Variants in NLGN4Y observed in about 807,000 individuals in gnomAD.
The protein encoded by NLGN4Y is neuroligin 4 Y-linked.
In NLGN4Y, 4 loss-of-function variants were observed where a neutral mutation model predicts 8.4. That is an observed-to-expected ratio of 0.48 (90% confidence interval 0.23 to 1.09). The LOEUF (loss-of-function observed/expected upper bound fraction) is 1.09. NLGN4Y is among the 50% of genes least tolerant of loss of function. The pLI is 0.19. For synonymous variants in NLGN4Y, 35 were observed against 75.6 expected (o/e 0.46, Z 2.78); for missense variants, 90 against 192.3 (o/e 0.47, Z 3.15).
At chrY:14,538,564 C>T in intron 1 of NLGN4Y, among the ~76,000 whole-genome samples, 1 of 33,770 alleles carries the variant, frequency 3.0e-5, no homozygotes, top group South Asian at 6.6e-4. Flanking sequence ...TTAGCTGTTT[C>T]TAACCTCCCT....
intron 1 of NLGN4Y, among the ~76,000 whole-genome samples, chrY:14,535,243 G>T (rs2080127755): frequency 3.0e-5 from 1 of 33,407 alleles, no homozygotes; most frequent in Non-Finnish European, 7.4e-5. Context: ...CCATTACAGA[G>T]AATGATGTGG....
At chrY:14,836,548 G>A in intron 6 of NLGN4Y, among the ~76,000 whole-genome samples, 1 of 28,720 alleles carries the variant, frequency 3.5e-5, no homozygotes, top group South Asian at 8.6e-4. Context: ...GTGGTGGTGC[G>A]ATCTCATGTG....
intron 2 of NLGN4Y, among the ~76,000 whole-genome samples, chrY:14,667,002 A>C: frequency 1.2e-4 from 4 of 32,506 alleles, no homozygotes; most frequent in Non-Finnish European, 2.3e-4. Context: ...GAACGTTTTC[A>C]ATAGTCTATC....
At chrY:14,756,874 T>C (rs2081061551) in intron 4 of NLGN4Y, among the ~76,000 whole-genome samples, 7 of 7,688 alleles carry the variant, frequency 9.1e-4, no homozygotes, top group Non-Finnish European at 1.4e-3. Flanking sequence ...TACATATATA[T>C]ATATATATAT....
chrY:14,633,803 A>C (rs775664810), intron 2 of NLGN4Y, among the ~76,000 whole-genome samples: 1 of 33,690 alleles, frequency 3.0e-5, no homozygotes, highest in South Asian at 6.7e-4. Flanking sequence ...CTTTAATGTC[A>C]TGTTAATTGA....
At chrY:14,707,091 GTATATATATA>G in intron 2 of NLGN4Y, among the ~76,000 whole-genome samples, 2 of 3,889 alleles carry the variant, frequency 5.1e-4, no homozygotes, top group Admixed American at 2.2e-3. Context: ...AATTTTATGT[GTATATATATA>G]TATATATATA....
At chrY:14,719,580 C>G in intron 3 of NLGN4Y, 62 bp downstream of exon 3, 1 of 147,281 alleles carries the variant, frequency 6.8e-6, no homozygotes, top group Non-Finnish European at 1.1e-5. Context: ...CTATCTCTCT[C>G]TTTTTTTTAT....
intron 1 of NLGN4Y, among the ~76,000 whole-genome samples, chrY:14,568,388 G>A (rs1603499932): frequency 3.0e-5 from 1 of 33,459 alleles, no homozygotes; most frequent in Admixed American, 2.8e-4. Context: ...AAATGATAAT[G>A]TTAACTGAGG....
chrY:14,781,055 G>A, intron 4 of NLGN4Y, among the ~76,000 whole-genome samples: 3 of 33,273 alleles, frequency 9.0e-5, no homozygotes, highest in African/African-American at 3.5e-4. Flanking sequence ...ATGGGTCAAA[G>A]GGCCAGTTTG....
At chrY:14,596,668 TAGAG>T in intron 1 of NLGN4Y, among the ~76,000 whole-genome samples, 1 of 33,249 alleles carries the variant, frequency 3.0e-5, no homozygotes, top group Non-Finnish European at 7.4e-5. Context: ...TGGGGGTTGT[TAGAG>T]AGCCCTTTCC....
chrY:14,830,509 G>A lies in NLGN4Y; in HGVS notation c.1651G>A (p.Ala551Thr). 1 of 398,388 alleles carries A rather than the reference G, an allele frequency of 2.5e-6. No individual in the cohort carries two copies. The highest frequency in any genetic ancestry group is 3.5e-6 in the Non-Finnish European group (1 of 283,206). The stretch of plus-strand genomic sequence containing the variant: ...GGTGATGACCTACTGGACGAACTTC[G>A]CCAAAACTGGGTACGTTCTTCTTCA... ...AVVMTYWTNF[A>T]KTGDPNQPVP... Residue 551 changes from alanine (A) to threonine (T), a missense_variant, in exon 6 of 7, where the codon GCC (alanine) becomes ACC (threonine). Physicochemically the swap from Ala to Thr is moderately conservative, Grantham distance 58. Transcript: ENST00000684976.
At chrY:14,549,077 A>G in intron 1 of NLGN4Y, among the ~76,000 whole-genome samples, 1 of 32,460 alleles carries the variant, frequency 3.1e-5, no homozygotes, top group Admixed American at 2.9e-4. Context: ...TGTTCTGCCC[A>G]AAACTCAATT....
intron 2 of NLGN4Y, among the ~76,000 whole-genome samples, chrY:14,659,231 C>T: frequency 3.0e-5 from 1 of 33,029 alleles, no homozygotes; most frequent in Non-Finnish European, 7.4e-5. Context: ...TTCAGTGACA[C>T]ACCTGTCACT....
intron 2 of NLGN4Y, among the ~76,000 whole-genome samples, chrY:14,651,344 T>C: frequency 3.0e-5 from 1 of 33,601 alleles, no homozygotes; most frequent in Admixed American, 2.7e-4. Context: ...AAGCTTATGT[T>C]ATCTCACTTG....
chrY:14,724,767 G>A, intron 4 of NLGN4Y, among the ~76,000 whole-genome samples: 1 of 32,484 alleles, frequency 3.1e-5, no homozygotes, highest in East Asian at 8.1e-4. Context: ...AGCCTTCTAA[G>A]TAGCTGGGAT....
chrY:14,735,579 G>A, intron 4 of NLGN4Y, among the ~76,000 whole-genome samples: 1 of 33,367 alleles, frequency 3.0e-5, no homozygotes, highest in African/African-American at 1.2e-4. Flanking sequence ...GTGTGAGAAC[G>A]GACTAAATAC....
chrY:14,818,956 A>T, intron 4 of NLGN4Y, among the ~76,000 whole-genome samples: 1 of 33,138 alleles, frequency 3.0e-5, no homozygotes, highest in African/African-American at 1.2e-4. Context: ...TGATATCTGC[A>T]GCTGATTGGA....
chrY:14,817,364 T>C (rs2043106234), intron 4 of NLGN4Y, among the ~76,000 whole-genome samples: 1 of 33,187 alleles, frequency 3.0e-5, no homozygotes. Context: ...GGATCCATAG[T>C]TGGCAAAACT....
chrY:14,564,055 T>C (rs2080243409), intron 1 of NLGN4Y, among the ~76,000 whole-genome samples: 1 of 33,541 alleles, frequency 3.0e-5, no homozygotes, highest in African/African-American at 1.2e-4. Context: ...TCTGCTCTCA[T>C]AGCAGTTATT....
Sources: allele counts gnomAD v4.1 joint callset (sites outside exome capture counted in the v4.1 genomes callset), GRCh38; gene constraint gnomAD v4.1.1; transcripts MANE v1.5; gene names NCBI Gene and HGNC (gene_info 2026-07-23, HGNC 2026-07-21).